LRRK1: variants seen among roughly 807,000 people sequenced by gnomAD.
The protein encoded by LRRK1 is leucine rich repeat kinase 1.
A neutral mutation model predicts 209.1 loss-of-function variants in LRRK1; 113 were observed. That is an observed-to-expected ratio of 0.54 (90% CI 0.46 to 0.63). The LOEUF (loss-of-function observed/expected upper bound fraction) is 0.63. Among genes scored for constraint, LRRK1 ranks in the 30% least tolerant of loss-of-function variants. The pLI is 0.00. For synonymous variants in LRRK1, 1,144 were observed against 1,099.7 expected, an observed-to-expected ratio of 1.04 and a Z score of -0.80; for missense variants, 2,284 against 2,632.2, an observed-to-expected ratio of 0.87 and a Z score of 2.89.
intron 20 of LRRK1, among the ~76,000 whole-genome samples, chr15:101,041,299 A>T (rs1298890296): frequency 6.6e-6 from 1 of 152,238 alleles, no homozygotes; most frequent in Non-Finnish European, 1.5e-5. Flanking sequence ...TGCTGACAGC[A>T]CATTATCCAA....
intron 2 of LRRK1, among the ~76,000 whole-genome samples, chr15:100,950,330 A>G (rs2042620866): frequency 6.6e-6 from 1 of 152,262 alleles, no homozygotes. Flanking sequence ...AACATTGTGG[A>G]AAGAAGTTAA....
chr15:100,988,874 G>T, intron 5 of LRRK1, 61 bp downstream of exon 5: 1 of 1,354,346 alleles, frequency 7.4e-7, no homozygotes, highest in South Asian at 1.4e-5. Flanking sequence ...GCCTCCAGAT[G>T]TGGGACTGTG....
intron 20 of LRRK1, among the ~76,000 whole-genome samples, chr15:101,036,968 G>C (rs1052969588): frequency 1.3e-5 from 2 of 152,246 alleles, no homozygotes; most frequent in Admixed American, 1.3e-4. Context: ...AGGGATGCCA[G>C]GTGGGCCAGT....
intron 20 of LRRK1, among the ~76,000 whole-genome samples, chr15:101,029,527 G>A (rs2034190914): frequency 1.4e-5 from 2 of 146,532 alleles, no homozygotes; most frequent in Non-Finnish European, 1.5e-5. Context: ...AAAATAATTT[G>A]TGGGAATTTC....
chr15:101,073,357 C>T lies in LRRK1; in HGVS notation c.*4509C>T, dbSNP rs36125870. On this transcript the variant is annotated 3_prime_UTR_variant, in exon 34 of 34. Transcript: ENST00000388948. ...CCCAGGTTTCAGAGGTGTCAGACCACGCAGGGACGCCTGCCTTGGTCCTTC... is the reference window on the plus strand; with the variant it reads ...CCCAGGTTTCAGAGGTGTCAGACCATGCAGGGACGCCTGCCTTGGTCCTTC... 49,868 of 152,156 alleles carry T rather than the reference C, an allele frequency of 0.33. 10,488 individuals are homozygous for T. Among genetic ancestry groups the T allele is most frequent in the South Asian group, 0.47 (2,282 of 4,822 alleles). The allele number at this position is 152,156 out of a possible 1,614,324, so 9.4% of individuals were successfully genotyped here. A position where few individuals can be genotyped will look rare whatever the true frequency, so the allele number is the denominator to read the frequency against.
chr15:101,046,249 C>G, intron 21 of LRRK1, 97 bp downstream of exon 21: 2 of 1,299,616 alleles, frequency 1.5e-6, no homozygotes, highest in Non-Finnish European at 2.2e-6. Context: ...GGGGCCCTGC[C>G]TGGAGACCCT....
At chr15:101,053,518 A>G in intron 26 of LRRK1, 98 bp downstream of exon 26, 1 of 1,086,172 alleles carries the variant, frequency 9.2e-7, no homozygotes, top group Non-Finnish European at 1.3e-6. Flanking sequence ...GGCCTTGGCA[A>G]GCCCAGGGCA....
intron 3 of LRRK1, among the ~76,000 whole-genome samples, chr15:100,981,567 C>A (rs1196421737): frequency 6.6e-6 from 1 of 152,222 alleles, no homozygotes. Context: ...CCTCCAAGTC[C>A]CATGTTTCCA....
At chr15:100,980,698 AG>A (rs1162686111) in intron 3 of LRRK1, among the ~76,000 whole-genome samples, 1 of 3,050 alleles carries the variant, frequency 3.3e-4, no homozygotes, top group East Asian at 0.028. Context: ...CAAAGCAAAA[AG>A]TTAAAAAAAA....
intron 20 of LRRK1, among the ~76,000 whole-genome samples, chr15:101,037,005 C>T (rs900379479): frequency 6.6e-6 from 1 of 152,168 alleles, no homozygotes; most frequent in African/African-American, 2.4e-5. Flanking sequence ...TGGCAGCAGG[C>T]ATGCCTCTCC....
At chr15:100,964,991 GTCTC>G (rs1181968305) in intron 2 of LRRK1, among the ~76,000 whole-genome samples, 1 of 152,158 alleles carries the variant, frequency 6.6e-6, no homozygotes, top group South Asian at 2.1e-4. Flanking sequence ...ATGTAAGACT[GTCTC>G]CTTGGAACAT....
intron 16 of LRRK1, 41 bp from the exon 17 acceptor site, chr15:101,025,924 T>C (rs1308733418): frequency 1.2e-6 from 2 of 1,607,710 alleles, no homozygotes; most frequent in Admixed American, 1.7e-5. Context: ...CCTTGTTCCA[T>C]GAACAGAGAC....
At chr15:100,961,126 G>T (rs1333766769) in intron 2 of LRRK1, among the ~76,000 whole-genome samples, 1 of 152,214 alleles carries the variant, frequency 6.6e-6, no homozygotes. Flanking sequence ...AGGGCTTCTT[G>T]CTGGTGGGGA....
intron 20 of LRRK1, among the ~76,000 whole-genome samples, chr15:101,041,860 A>G (rs2141116772): frequency 6.6e-6 from 1 of 152,350 alleles, no homozygotes. Flanking sequence ...AACACATAGA[A>G]ATTAACAACA....
In LRRK1 at chr15:101,062,702, G is replaced by A; in HGVS notation, c.4914+12G>A. On this transcript the variant is annotated intron_variant, in intron 31 of 33. Coordinates refer to ENST00000388948, the MANE Select transcript of LRRK1 (RefSeq NM_024652.6). ...CTGTTATTAAAAAGGTGAGGTCGGG[G>A]CAAAGGCAGGTATGCAGGTCTCTGA... is the stretch of plus-strand genomic sequence containing the variant. 2 of 1,579,626 alleles carry A rather than the reference G, an allele frequency of 1.3e-6. No individual in the cohort carries two copies. The highest frequency in any genetic ancestry group is 8.7e-7 in the Non-Finnish European group (1 of 1,148,538).
rs545289429 is a variant in LRRK1, at chr15:101,074,203, C to T, written c.*5355C>T. The stretch of plus-strand genomic sequence containing the variant: ...TCTATAGACCCATCTGACCTCTCCC[C>T]TCCTCCCCAGGCTGCTCCTTGCCAG... On this transcript the variant is annotated 3_prime_UTR_variant, in exon 34 of 34. Transcript: ENST00000388948. 2.5e-3 allele frequency: 375 copies of T among 152,240 alleles called. 1 individual carries two copies. The highest frequency in any genetic ancestry group is 8.5e-3 in the African/African-American group (355 of 41,538). 9.4% of individuals were successfully genotyped at this position (152,240 alleles called of 1,614,324 possible). A position where few individuals can be genotyped will look rare whatever the true frequency, so the allele number is the denominator to read the frequency against.
intron 33 of LRRK1, chr15:101,067,321 A>C (rs1163739261): frequency 2.2e-6 from 1 of 455,928 alleles, no homozygotes; most frequent in Non-Finnish European, 4.4e-6. Flanking sequence ...CAGTGATGTG[A>C]GGCTGGCGCC....
At chr15:100,974,153 C>A in intron 3 of LRRK1, 186 bp downstream of exon 3, 1 of 450,036 alleles carries the variant, frequency 2.2e-6, no homozygotes, top group Non-Finnish European at 3.6e-6. Flanking sequence ...AGTCTGATAT[C>A]ACCTAAGCAG....
chr15:101,012,245 A>T (rs2033288614), intron 10 of LRRK1, 100 bp downstream of exon 10: 1 of 1,073,798 alleles, frequency 9.3e-7, no homozygotes, highest in Non-Finnish European at 1.4e-6. Context: ...TTCTGAGATA[A>T]ATATAAGGGG....
Sources: allele counts gnomAD v4.1 joint callset (sites outside exome capture counted in the v4.1 genomes callset), GRCh38; gene constraint gnomAD v4.1.1; transcripts MANE v1.5; gene names NCBI Gene and HGNC (gene_info 2026-07-23, HGNC 2026-07-21).